Variants in CFAP58 observed in about 807,000 individuals in gnomAD.
CFAP58 encodes the protein cilia- and flagella-associated protein 58.
CFAP58 carries 88 observed loss-of-function variants against 119.5 expected under a neutral mutation model. The ratio of observed to expected loss-of-function variants is 0.74; its 90% CI spans 0.62 to 0.88. The LOEUF is 0.88. CFAP58 is among the 40% of genes least tolerant of loss of function. The pLI is 0.00. For synonymous variants in CFAP58, 365 were observed against 366.3 expected (o/e 1.00, Z 0.04); for missense variants, 990 against 1,021.2 (o/e 0.97, Z 0.42).
intron 9 of CFAP58, among the ~76,000 whole-genome samples, chr10:104,387,728 AT>A (rs1178914519): frequency 1.3e-5 from 2 of 152,164 alleles, no homozygotes; most frequent in Non-Finnish European, 2.9e-5. Context: ...CTCCTAGTAA[AT>A]TATTAAATCT....
chr10:104,402,782 G>A (rs1193492483), intron 13 of CFAP58, among the ~76,000 whole-genome samples: 1 of 152,152 alleles, frequency 6.6e-6, no homozygotes, highest in East Asian at 1.9e-4. Context: ...TGTGAGAATT[G>A]CCAAGACCTC....
intron 15 of CFAP58, among the ~76,000 whole-genome samples, chr10:104,433,508 C>G (rs557082938): frequency 1.3e-5 from 2 of 152,242 alleles, no homozygotes; most frequent in African/African-American, 4.8e-5. Flanking sequence ...AATAAGTGGC[C>G]AGTACCAAGG....
chr10:104,400,943 A>G (rs2012253411), intron 13 of CFAP58, 40 bp downstream of exon 13: 1 of 1,458,764 alleles, frequency 6.9e-7, no homozygotes, highest in Non-Finnish European at 9.6e-7. Flanking sequence ...GCACAGTGCA[A>G]CGTGGGGAGC....
Position 104,438,357 on chromosome 10 carries a change from TTTTGTTTTTTTTTTTTG to T in CFAP58, c.2257-9337_2257-9321del, listed in dbSNP as rs1564904826. Among the ~76,000 whole-genome samples the T allele has an allele frequency of 1.8e-3, 148 of 83,780 alleles. 7 individuals carry two copies. The highest frequency in any genetic ancestry group is 5.9e-3 in the African/African-American group (138 of 23,544). 55.0% of individuals were successfully genotyped at this position (83,780 alleles called of 152,430 possible). On this transcript the variant is annotated intron_variant, in intron 15 of 17. Transcript: ENST00000369704. ...TTGTTTTTTGTTTTTTGTTTTTTTTTTTTGTTTTTTTTTTTTGTTTTTTTTTTTTGAGACGGAGTCTC... is the reference window on the plus strand; with the variant it reads ...TTGTTTTTTGTTTTTTGTTTTTTTTTTTTTTTTTTTTTGAGACGGAGTCTC...
chr10:104,361,045 C>A (rs1315047805), intron 2 of CFAP58, among the ~76,000 whole-genome samples: 1 of 152,156 alleles, frequency 6.6e-6, no homozygotes, highest in African/African-American at 2.4e-5. Context: ...AAATCCACCC[C>A]CATGATTCAA....
chr10:104,403,547 T>C, intron 13 of CFAP58, among the ~76,000 whole-genome samples, 182 bp from the exon 14 acceptor site: 1 of 150,030 alleles, frequency 6.7e-6, no homozygotes, highest in Middle Eastern at 3.3e-3. Context: ...AAGCCAATTC[T>C]TGAGCTCTGC....
intron 2 of CFAP58, 38 bp downstream of exon 2, chr10:104,358,660 A>C (rs1465334411): frequency 6.3e-7 from 1 of 1,578,466 alleles, no homozygotes; most frequent in Non-Finnish European, 8.6e-7. Flanking sequence ...ACCTGAATTT[A>C]AAACATCATT....
chr10:104,421,572 A>G (rs889007408), intron 15 of CFAP58, among the ~76,000 whole-genome samples: 27 of 152,222 alleles, frequency 1.8e-4, no homozygotes, highest in African/African-American at 6.5e-4. Context: ...GGAAGAGAGA[A>G]TAGGTCTCTT....
At chr10:104,399,059 C>T (rs1246635975) in intron 11 of CFAP58, among the ~76,000 whole-genome samples, 1 of 152,088 alleles carries the variant, frequency 6.6e-6, no homozygotes, top group African/African-American at 2.4e-5. Flanking sequence ...AGATGAAGTG[C>T]TGCTGAATAC....
chr10:104,406,771 T>C lies in CFAP58; in HGVS notation c.2234T>C (p.Val745Ala), dbSNP rs1221637333. The stretch of plus-strand genomic sequence containing the variant: ...CTCATCAGCAAGACTGAAGAGGTGG[T>C]TGAAAAAGAGCTGCTCCTCCAGGTA... ...KRLISKTEEV[V>A]EKELLLQEKE... The change falls in exon 15 of 18, where the codon GTT becomes GCT. Residue 745 changes from valine (V) to alanine (A), a missense_variant. By Grantham distance (64) the Val-to-Ala change is moderately conservative. Coordinates refer to ENST00000369704, the MANE Select transcript of CFAP58 (RefSeq NM_001008723.2). The C allele has an allele frequency of 2.5e-6, 4 of 1,614,086 alleles. No homozygotes were observed. The highest frequency in any genetic ancestry group is 3.4e-6 in the Non-Finnish European group (4 of 1,180,032).
At chr10:104,442,398 A>G (rs1172077660) in intron 15 of CFAP58, among the ~76,000 whole-genome samples, 1 of 151,884 alleles carries the variant, frequency 6.6e-6, no homozygotes, top group East Asian at 1.9e-4. Flanking sequence ...GACCAGCCTG[A>G]CCAACATGGT....
intron 9 of CFAP58, among the ~76,000 whole-genome samples, chr10:104,381,712 T>C (rs2011806955): frequency 6.6e-6 from 1 of 152,188 alleles, no homozygotes. Context: ...CAAACTTTAC[T>C]GATAGGAAGT....
At position 104,370,967 on chromosome 10, in the gene CFAP58, A is replaced by G; in HGVS notation, c.1003A>G (p.Lys335Glu). The change falls in exon 7 of 18, where the codon AAG (lysine) becomes GAG (glutamate). Residue 335 changes from lysine (K) to glutamate (E), a missense_variant. Physicochemically the swap from Lys to Glu is moderately conservative, Grantham distance 56. Coordinates refer to ENST00000369704, the MANE Select transcript of CFAP58 (RefSeq NM_001008723.2). ...KLNKIREQIH[K>E]KLHHTEDQKA... ...CAACAAAATCAGAGAACAAATTCAT[A>G]AGAAATTGCACCACACCGAAGATCA... The G allele has an allele frequency of 6.2e-7, 1 of 1,613,822 alleles. No individual in the cohort carries two copies. The highest frequency in any genetic ancestry group is 2.2e-5 in the East Asian group (1 of 44,870).
intron 15 of CFAP58, among the ~76,000 whole-genome samples, chr10:104,413,567 TTG>T (rs2012494412): frequency 1.3e-5 from 2 of 152,190 alleles, no homozygotes; most frequent in African/African-American, 4.8e-5. Context: ...TGGCCTCTCC[TTG>T]CTGTTGTTGC....
At position 104,439,704 on chromosome 10, in the gene CFAP58, T is replaced by TAACAAC. The variant is rs60040374; in HGVS notation, c.2257-7971_2257-7966dup. 9.1e-3 allele frequency among the ~76,000 whole-genome samples: 1,378 copies of TAACAAC among 151,290 alleles called. 5 individuals are homozygous for TAACAAC. The highest frequency in any genetic ancestry group is 0.018 in the African/African-American group (722 of 41,068). On this transcript the variant is annotated intron_variant, in intron 15 of 17. Transcript: ENST00000369704. ...TGGATAACAGAGTGAGACTCTGTCT[T>TAACAAC]AACAACAACAACAACAACAACAACA...
chr10:104,339,351 G>T, the CFAP58 span, among the ~76,000 whole-genome samples: 1 of 152,210 alleles, frequency 6.6e-6, no homozygotes, highest in Admixed American at 6.5e-5. Context: ...GAGAACTGAG[G>T]CCTGGAGGAG....
intron 7 of CFAP58, among the ~76,000 whole-genome samples, chr10:104,374,274 A>G (rs1253992577): frequency 6.6e-6 from 1 of 151,584 alleles, no homozygotes; most frequent in Non-Finnish European, 1.5e-5. Context: ...AGCCTGGGCA[A>G]TATGGCAAAA....
Position 104,399,335 on chromosome 10 carries a change from G to T in CFAP58, c.1675-25G>T, listed in dbSNP as rs368234773. The T allele has an allele frequency of 4.3e-6, 7 of 1,611,374 alleles. No individual in the cohort carries two copies. In the African/African-American group the frequency reaches 9.4e-5, roughly 22 times the overall value. ...TTTGTGCTGTAACGAATTGAAATTT[G>T]CCTGTATCTTCCACTCTTTGTCAGG... On this transcript the variant is annotated intron_variant, in intron 11 of 17. Transcript: ENST00000369704.
At chr10:104,432,065 T>C (rs2012856044) in intron 15 of CFAP58, among the ~76,000 whole-genome samples, 1 of 152,176 alleles carries the variant, frequency 6.6e-6, no homozygotes, top group African/African-American at 2.4e-5. Flanking sequence ...TGAGCATCTC[T>C]CTAGGGTATG....
Sources: gnomAD v4.1 joint callset for allele counts (sites outside exome capture counted in the v4.1 genomes callset) on GRCh38, gnomAD v4.1.1 for gene constraint, MANE v1.5 for transcripts, NCBI Gene and HGNC (gene_info 2026-07-23, HGNC 2026-07-21) for gene names.